ATR: variants seen among roughly 807,000 people sequenced by gnomAD.
ATR encodes the protein ATR checkpoint kinase.
Under a neutral mutation model 305.3 loss-of-function variants are expected in ATR, and 142 were observed. That is an observed-to-expected ratio of 0.47 (90% CI 0.41 to 0.53). The LOEUF (loss-of-function observed/expected upper bound fraction) is 0.53. Ranked by LOEUF, ATR falls within the 20% of genes least tolerant of loss-of-function variation. The probability of loss-of-function intolerance (pLI) is 0.00; values close to 1 mark genes in which losing one functional copy is unlikely to be tolerated. For missense variants in ATR, 2,135 were observed against 3,133.1 expected (o/e 0.68, Z 7.60); for synonymous variants, 1,050 against 1,068.1 (o/e 0.98, Z 0.33).
At chr3:142,497,242 T>G (rs2031703564) in intron 32 of ATR, 50 bp from the exon 33 acceptor site, 3 of 1,559,688 alleles carry the variant, frequency 1.9e-6, no homozygotes, top group African/African-American at 2.7e-5. Context: ...TCAGCCTTAT[T>G]AATCTCATAT....
intron 40 of ATR, 71 bp downstream of exon 40, chr3:142,466,253 A>G: frequency 2.1e-6 from 3 of 1,461,154 alleles, no homozygotes; most frequent in South Asian, 1.2e-5. Flanking sequence ...TGTGAAATAC[A>G]CTTTTTATCT....
At chr3:142,549,338 T>C (rs972559967) in intron 15 of ATR, 141 bp downstream of exon 15, 2 of 583,196 alleles carry the variant, frequency 3.4e-6, no homozygotes, top group Non-Finnish European at 5.6e-6. Flanking sequence ...GGACAAAGAT[T>C]ATTTAACATA....
chr3:142,485,409 G>C, intron 35 of ATR, 127 bp from the exon 36 acceptor site: 1 of 1,151,970 alleles, frequency 8.7e-7, no homozygotes, highest in Non-Finnish European at 1.2e-6. Flanking sequence ...GTCAAAAGCA[G>C]ACTCAATCTT....
chr3:142,523,061 G>A lies in ATR; in HGVS notation c.4153-220C>T, dbSNP rs1559962455. Among the ~76,000 whole-genome samples, 3 of 152,216 alleles carry A rather than the reference G, an allele frequency of 2.0e-5. No homozygotes were observed. In the South Asian group the frequency reaches 6.2e-4, roughly 32 times the overall value. On this transcript the variant is annotated intron_variant, in intron 22 of 46. Coordinates refer to ENST00000350721, the MANE Select transcript of ATR (RefSeq NM_001184.4). Reference sequence around the variant, plus strand: ...AAGCTTTTTAGGCTATTTCTAAGGTGTACAAAAAATTATTCAACTTTTGCA... The same window carrying A: ...AAGCTTTTTAGGCTATTTCTAAGGTATACAAAAAATTATTCAACTTTTGCA...
chr3:142,541,174 G>A (rs1475704663), intron 17 of ATR, 140 bp from the exon 18 acceptor site: 2 of 1,156,106 alleles, frequency 1.7e-6, no homozygotes, highest in East Asian at 5.1e-5. Context: ...ATAAATGTTG[G>A]CCAGTTTGTT....
rs7618253 is a variant in ATR at position 142,503,742 on chromosome 3, T to C, written c.5197-289A>G. On this transcript the variant is annotated intron_variant, in intron 29 of 46. Transcript: ENST00000350721. Reference sequence around the variant, plus strand: ...ACACCTTTCTTAATTTAACAATTGATTTGCTTACTTACATGGCAGGACCCC... The same window carrying C: ...ACACCTTTCTTAATTTAACAATTGACTTGCTTACTTACATGGCAGGACCCC... Among the ~76,000 whole-genome samples, 10,598 of 152,174 alleles carry C rather than the reference T, an allele frequency of 0.07. 911 individuals are homozygous for C. Among genetic ancestry groups the C allele is most frequent in the African/African-American group, 0.2 (8,314 of 41,502 alleles).
intron 30 of ATR, 48 bp from the exon 31 acceptor site, chr3:142,499,766 A>G (rs567512954): frequency 6.7e-7 from 1 of 1,501,910 alleles, no homozygotes; most frequent in South Asian, 1.1e-5. Context: ...ATTTAAGGTG[A>G]CATTCAGAGA....
At chr3:142,465,018 C>T (rs2108270495) in intron 41 of ATR, 79 bp downstream of exon 41, 1 of 965,908 alleles carries the variant, frequency 1.0e-6, no homozygotes, top group South Asian at 3.7e-5. Flanking sequence ...GAAATAAAAG[C>T]AATCTGGTTT....
intron 42 of ATR, among the ~76,000 whole-genome samples, chr3:142,460,138 C>T (rs2108263405): frequency 6.6e-6 from 1 of 152,152 alleles, no homozygotes; most frequent in Admixed American, 6.5e-5. Context: ...TGAACTTAGA[C>T]AAGTTACGTA....
At chr3:142,548,798 ACT>A (rs1419812390) in intron 15 of ATR, among the ~76,000 whole-genome samples, 1 of 152,166 alleles carries the variant, frequency 6.6e-6, no homozygotes, top group Non-Finnish European at 1.5e-5. Flanking sequence ...AATACTTATT[ACT>A]ATCATTCTAT....
intron 24 of ATR, among the ~76,000 whole-genome samples, chr3:142,515,765 C>T (rs529795376): frequency 6.6e-6 from 1 of 152,244 alleles, no homozygotes; most frequent in African/African-American, 2.4e-5. Context: ...ATAAGAAAAA[C>T]CTGTTCCTTT....
intron 30 of ATR, among the ~76,000 whole-genome samples, chr3:142,502,285 A>G (rs1022491011): frequency 6.6e-6 from 1 of 152,232 alleles, no homozygotes; most frequent in African/African-American, 2.4e-5. Context: ...TTGCAGCACT[A>G]TTCATAATAG....
intron 22 of ATR, 115 bp from the exon 23 acceptor site, chr3:142,522,956 CAA>C: frequency 1.2e-6 from 1 of 831,320 alleles, no homozygotes; most frequent in Non-Finnish European, 2.0e-6. Flanking sequence ...TTAACTTAGA[CAA>C]AGGAAAAGAC....
intron 23 of ATR, 80 bp downstream of exon 23, chr3:142,522,648 A>C (rs2033196465): frequency 8.6e-7 from 1 of 1,165,404 alleles, no homozygotes; most frequent in Non-Finnish European, 1.3e-6. Context: ...AACAAAAAGG[A>C]GTTTCACAAG....
chr3:142,554,171 A>G (rs975572746), intron 10 of ATR, among the ~76,000 whole-genome samples, 156 bp from the exon 11 acceptor site: 1 of 152,238 alleles, frequency 6.6e-6, no homozygotes, highest in African/African-American at 2.4e-5. Flanking sequence ...ACAGAATTTT[A>G]GGAAATTAAA....
chr3:142,508,783 G>T (rs2032388363), intron 27 of ATR, among the ~76,000 whole-genome samples: 1 of 152,030 alleles, frequency 6.6e-6, no homozygotes, highest in Non-Finnish European at 1.5e-5. Context: ...AATTAGCCGG[G>T]CGTGGTGACG....
intron 13 of ATR, among the ~76,000 whole-genome samples, chr3:142,552,187 G>A (rs1413724390): frequency 6.6e-6 from 1 of 152,208 alleles, no homozygotes. Flanking sequence ...TATACCGTTG[G>A]TGGGAGTCTA....
intron 27 of ATR, among the ~76,000 whole-genome samples, chr3:142,509,255 C>T (rs908854404): frequency 6.6e-6 from 1 of 152,132 alleles, no homozygotes; most frequent in Non-Finnish European, 1.5e-5. Context: ...CAGCCTTCAC[C>T]TCCTGGACTT....
In ATR at chr3:142,555,997, A is replaced by G. The variant is rs2034656854; in HGVS notation, c.2221T>C (p.Phe741Leu). Residue 741 changes from phenylalanine (F) to leucine (L), a missense_variant, in exon 10 of 47, where the codon TTC (phenylalanine) becomes CTC (leucine). By Grantham distance (22) the Phe-to-Leu change is conservative. Coordinates refer to ENST00000350721, the MANE Select transcript of ATR (RefSeq NM_001184.4). Reference protein sequence around the residue: ...PFSEHGHVDLFCRNLKATSQH... With the variant: ...PFSEHGHVDLLCRNLKATSQH... ...GAAGTGGCTTTCAAGTTCCTACAGA[A>G]GAGGTCCACATGTCCGTGTTCAGAG... The G allele has an allele frequency of 6.2e-7, 1 of 1,614,020 alleles. No individual in the cohort carries two copies. Among genetic ancestry groups the G allele is most frequent in the Admixed American group, 1.7e-5 (1 of 60,012 alleles).
Sources: gnomAD v4.1 joint callset for allele counts (sites outside exome capture counted in the v4.1 genomes callset) on GRCh38, gnomAD v4.1.1 for gene constraint, MANE v1.5 for transcripts, NCBI Gene and HGNC (gene_info 2026-07-23, HGNC 2026-07-21) for gene names.